NHS: variants seen among roughly 807,000 people sequenced by gnomAD.
NHS encodes actin remodeling regulator NHS.
In NHS, 5 loss-of-function variants were observed where a neutral mutation model predicts 72.5. That is an observed-to-expected ratio of 0.07 (90% confidence interval 0.04 to 0.14). NHS has a LOEUF of 0.14. Ranked by LOEUF, NHS falls within the 10% of genes least tolerant of loss-of-function variation. The pLI is 1.00. For synonymous variants in NHS, 464 were observed against 547.7 expected (o/e 0.85, Z 2.13); for missense variants, 1,072 against 1,355.7 (o/e 0.79, Z 3.29).
intron 1 of NHS, among the ~76,000 whole-genome samples, chrX:17,391,290 TTC>T (rs2064444292): frequency 8.9e-6 from 1 of 112,064 alleles, no homozygotes; most frequent in Non-Finnish European, 1.9e-5. Context: ...CAGTCTTTGA[TTC>T]TCTCAGTTCC....
At chrX:17,561,574 G>GCGCACACACACACACACA (rs879101977) in intron 1 of NHS, among the ~76,000 whole-genome samples, 6 of 65,401 alleles carry the variant, frequency 9.2e-5, no homozygotes, top group East Asian at 5.9e-4. Flanking sequence ...GCGCGCGCGC[G>GCGCACACACACACACACA]CACACACACA....
At chrX:17,475,432 G>C (rs1369110437) in intron 1 of NHS, among the ~76,000 whole-genome samples, 1 of 112,575 alleles carries the variant, frequency 8.9e-6, no homozygotes, top group Non-Finnish European at 1.9e-5. Context: ...GAGGAAATAA[G>C]AGCTTGGTAG....
rs115730279 is a variant in NHS, at chrX:17,443,722, G to A, written c.565+67400G>A. ...CCTTTCCCTCTGCCTTGTTCAAATG[G>A]TGCAATTGTGGGTGATTGAAACCAC... On this transcript the variant is annotated intron_variant, in intron 1 of 8. Transcript: ENST00000676302. 8.9e-3 allele frequency among the ~76,000 whole-genome samples: 1,001 copies of A among 111,995 alleles called. 13 individuals carry two copies. The highest frequency in any genetic ancestry group is 0.031 in the African/African-American group (960 of 30,812).
chrX:17,596,534 G>A (rs73636662), intron 1 of NHS, among the ~76,000 whole-genome samples: 2 of 112,015 alleles, frequency 1.8e-5, no homozygotes, highest in African/African-American at 6.5e-5. Context: ...GTTGAAGCAT[G>A]AACCAAGGTC....
chrX:17,652,252 C>A (rs2065934015), intron 1 of NHS, among the ~76,000 whole-genome samples: 1 of 112,620 alleles, frequency 8.9e-6, no homozygotes, highest in Non-Finnish European at 1.9e-5. Context: ...CCTTGGCTTT[C>A]AGTAAAAACA....
rs1473993432 is a variant in NHS, at chrX:17,394,579, C to A, written c.565+18257C>A. Among the ~76,000 whole-genome samples the A allele has an allele frequency of 3.6e-5, 4 of 112,017 alleles. No homozygotes were observed. In the East Asian group the frequency reaches 1.1e-3, roughly 31 times the overall value. Reference sequence around the variant, plus strand: ...GTGTGGAATGCAAATGAGCTTCATGCAGAATAAGAGGCCTTTAAAAATCCA... The same window carrying A: ...GTGTGGAATGCAAATGAGCTTCATGAAGAATAAGAGGCCTTTAAAAATCCA... On this transcript the variant is annotated intron_variant, in intron 1 of 8. Transcript: ENST00000676302.
intron 1 of NHS, among the ~76,000 whole-genome samples, chrX:17,385,116 G>A (rs1486403870): frequency 8.9e-6 from 1 of 112,313 alleles, no homozygotes; most frequent in African/African-American, 3.2e-5. Flanking sequence ...AGAGGGCAGG[G>A]AAACTGTCTA....
At chrX:17,478,190 TCTC>T (rs1450088307) in intron 1 of NHS, among the ~76,000 whole-genome samples, 17 of 111,413 alleles carry the variant, frequency 1.5e-4, no homozygotes, top group Admixed American at 9.6e-4. Context: ...TTCTTCCAGT[TCTC>T]CTTGAGAACA....
At chrX:17,687,206 G>A (rs1601836151) in intron 1 of NHS, 1 of 150,883 alleles carries the variant, frequency 6.6e-6, no homozygotes. Context: ...GTAGGTGTAG[G>A]GCATGATAAG....
intron 4 of NHS, among the ~76,000 whole-genome samples, chrX:17,720,270 G>C (rs1283631632): frequency 8.9e-6 from 1 of 111,820 alleles, no homozygotes; most frequent in Non-Finnish European, 1.9e-5. Context: ...ATTGGAATCA[G>C]CTCTTTAAGG....
chrX:17,377,671 A>G (rs1052899406), intron 1 of NHS, among the ~76,000 whole-genome samples: 2 of 113,479 alleles, frequency 1.8e-5, no homozygotes, highest in African/African-American at 6.4e-5. Flanking sequence ...TCCTCCTCCG[A>G]AAAACCCTTT....
chrX:17,534,148 A>G (rs1450186324), intron 1 of NHS, among the ~76,000 whole-genome samples: 2 of 111,296 alleles, frequency 1.8e-5, no homozygotes, highest in Non-Finnish European at 3.8e-5. Flanking sequence ...CTACTCTCAC[A>G]TTAACACACT....
At chrX:17,379,192 AC>A (rs1277621268) in intron 1 of NHS, among the ~76,000 whole-genome samples, 1 of 108,949 alleles carries the variant, frequency 9.2e-6, no homozygotes, top group Non-Finnish European at 1.9e-5. Flanking sequence ...TTGCCCTGAG[AC>A]AGGCTGGGGG....
chrX:17,491,544 G>A (rs1202210960), intron 1 of NHS, among the ~76,000 whole-genome samples: 1 of 111,075 alleles, frequency 9.0e-6, no homozygotes, highest in Non-Finnish European at 1.9e-5. Context: ...GAGGATTTTT[G>A]CATCGATGTT....
At chrX:17,688,882 T>A (rs112248872) in intron 2 of NHS, among the ~76,000 whole-genome samples, 10,231 of 111,593 alleles carry the variant, frequency 0.092, 964 homozygotes, top group African/African-American at 0.28. Context: ...AAAAAGTAGC[T>A]TCATTGTTTT....
intron 1 of NHS, among the ~76,000 whole-genome samples, chrX:17,511,069 T>C (rs1230456988): frequency 1.8e-5 from 2 of 111,917 alleles, no homozygotes; most frequent in African/African-American, 6.5e-5. Context: ...GGAGATTAAA[T>C]GTACAGCAAT....
intron 1 of NHS, among the ~76,000 whole-genome samples, chrX:17,654,221 T>C (rs1472090302): frequency 1.8e-5 from 2 of 111,985 alleles, no homozygotes; most frequent in African/African-American, 6.5e-5. Flanking sequence ...CTCTGAGTAA[T>C]GTCTCTTCCT....
rs377452042 is a variant in NHS at position 17,727,038 on chromosome X, A to G, written c.2932A>G (p.Ile978Val). 43 of 1,210,188 alleles carry G rather than the reference A, an allele frequency of 3.6e-5. No individual in the cohort carries two copies. In the African/African-American group the frequency reaches 6.6e-4, roughly 19 times the overall value. Residue 978 changes from isoleucine to valine, a missense_variant, in exon 7 of 9, where the codon ATC (isoleucine) becomes GTC (valine). Coordinates refer to ENST00000676302, the MANE Select transcript of NHS (RefSeq NM_001291867.2). Reference sequence around the variant, plus strand: ...TACGGGTACCACAGTCATTGAATGCATCAAATCTCCAGAGAGCTCTGAATC... The same window carrying G: ...TACGGGTACCACAGTCATTGAATGCGTCAAATCTCCAGAGAGCTCTGAATC... ...TATGTTVIECIKSPESSESQT... is the reference protein window; with the variant it reads ...TATGTTVIECVKSPESSESQT...
chrX:17,490,599 C>T (rs2064986589), intron 1 of NHS, among the ~76,000 whole-genome samples: 1 of 112,244 alleles, frequency 8.9e-6, no homozygotes, highest in South Asian at 3.7e-4. Flanking sequence ...ATTGTCTTGA[C>T]TATACGGGCT....
Sources: allele counts gnomAD v4.1 joint callset (sites outside exome capture counted in the v4.1 genomes callset), GRCh38; gene constraint gnomAD v4.1.1; transcripts MANE v1.5; gene names NCBI Gene and HGNC (gene_info 2026-07-23, HGNC 2026-07-21).